SGSM1: variants seen among roughly 807,000 people sequenced by gnomAD.
SGSM1 encodes the protein small G protein signaling modulator 1.
Under a neutral mutation model 133.8 loss-of-function variants are expected in SGSM1, and 73 were observed. The observed-to-expected ratio is 0.55, with a 90% CI of 0.45 to 0.66. The LOEUF is 0.66. Among genes scored for constraint, SGSM1 ranks in the 30% least tolerant of loss-of-function variants. SGSM1 has a pLI of 0.00. For synonymous variants in SGSM1, 563 were observed against 573.0 expected, an observed-to-expected ratio of 0.98 and a Z score of 0.25; for missense variants, 1,213 against 1,448.1, an observed-to-expected ratio of 0.84 and a Z score of 2.64.
intron 2 of SGSM1, chr22:24,814,293 AC>A (rs11354698): frequency 0.3 from 45,020 of 150,218 alleles, 6,728 homozygotes; most frequent in South Asian, 0.4. Flanking sequence ...ACAAAACAAA[AC>A]AAAAACTAGC....
At chr22:24,863,301 C>T (rs1321348371) in intron 9 of SGSM1, among the ~76,000 whole-genome samples, 4 of 152,102 alleles carry the variant, frequency 2.6e-5, no homozygotes, top group Admixed American at 2.0e-4. Context: ...GGACTACAGG[C>T]GCCCACCACT....
intron 16 of SGSM1, among the ~76,000 whole-genome samples, chr22:24,891,765 G>A (rs1932818207): frequency 6.6e-6 from 1 of 152,216 alleles, no homozygotes; most frequent in African/African-American, 2.4e-5. Flanking sequence ...AAGACGGGCA[G>A]GGGTGAAGGC....
chr22:24,824,718 A>T (rs5760689), intron 2 of SGSM1, among the ~76,000 whole-genome samples: 44,332 of 151,754 alleles, frequency 0.29, 7,073 homozygotes, highest in East Asian at 0.6. Context: ...GAGAGTTAAC[A>T]TATATTTGTT....
chr22:24,821,090 G>T (rs1287617484), intron 2 of SGSM1, among the ~76,000 whole-genome samples: 1 of 152,132 alleles, frequency 6.6e-6, no homozygotes, highest in Non-Finnish European at 1.5e-5. Flanking sequence ...AGGCTGGAGC[G>T]CAATGGCGTG....
At chr22:24,858,735 T>C (rs577638431) in intron 8 of SGSM1, among the ~76,000 whole-genome samples, 229 of 151,624 alleles carry the variant, frequency 1.5e-3, no homozygotes, top group African/African-American at 5.3e-3. Flanking sequence ...TCACAGGCAC[T>C]CTACCGCTCT....
chr22:24,893,711 GC>G, intron 17 of SGSM1, 98 bp downstream of exon 17: 1 of 1,305,034 alleles, frequency 7.7e-7, no homozygotes, highest in Non-Finnish European at 1.0e-6. Context: ...GGTGTCTGGG[GC>G]CTGGTGACAG....
chr22:24,886,349 C>T (rs183153879), intron 15 of SGSM1, among the ~76,000 whole-genome samples: 16 of 149,762 alleles, frequency 1.1e-4, no homozygotes, highest in African/African-American at 3.2e-4. Context: ...TGCAGTGAGC[C>T]AAGATCACAC....
intron 10 of SGSM1, among the ~76,000 whole-genome samples, chr22:24,867,474 C>T (rs1931524774): frequency 6.6e-6 from 1 of 152,192 alleles, no homozygotes; most frequent in African/African-American, 2.4e-5. Flanking sequence ...GTGCTAAGCA[C>T]AGTTCTGAGC....
chr22:24,895,481 C>T (rs1932894003), intron 18 of SGSM1, among the ~76,000 whole-genome samples, 190 bp downstream of exon 18: 1 of 152,138 alleles, frequency 6.6e-6, no homozygotes, highest in African/African-American at 2.4e-5. Context: ...ATCACCCCTG[C>T]AAAAAACTAA....
intron 12 of SGSM1, among the ~76,000 whole-genome samples, chr22:24,870,852 G>A (rs1931732326): frequency 6.6e-6 from 1 of 152,214 alleles, no homozygotes; most frequent in South Asian, 2.1e-4. Flanking sequence ...GTCTCCCAGA[G>A]CTTCCATGGG....
In SGSM1 at chr22:24,806,334, G is replaced by C. The variant is rs2147769511; in HGVS notation, c.9G>C (p.Ser3=). The C allele has an allele frequency of 2.0e-6, 3 of 1,472,268 alleles. No individual in the cohort carries two copies. Among genetic ancestry groups the C allele is most frequent in the Non-Finnish European group, 2.7e-6 (3 of 1,114,300 alleles). The allele number at this position is 1,472,268 out of a possible 1,614,324, so 91.2% of individuals were successfully genotyped here. A position where few individuals can be genotyped will look rare whatever the true frequency, so the allele number is the denominator to read the frequency against. The part of the protein sequence containing the change: MA[S]APAEAETRQR... Reference sequence around the variant, plus strand: ...ACGCAGCGCTCGGAGCCATGGCCTCGGCCCCCGCGGGTAAGAGGCCGCTGG... The same window carrying C: ...ACGCAGCGCTCGGAGCCATGGCCTCCGCCCCCGCGGGTAAGAGGCCGCTGG... The change falls in exon 1 of 25, where the codon TCG becomes TCC. Residue 3 remains serine, a synonymous_variant. Coordinates refer to ENST00000400358, the MANE Select transcript of SGSM1 (RefSeq NM_001098497.3).
At chr22:24,914,796 C>G (rs1933764512) in intron 22 of SGSM1, among the ~76,000 whole-genome samples, 1 of 152,084 alleles carries the variant, frequency 6.6e-6, no homozygotes, top group Non-Finnish European at 1.5e-5. Flanking sequence ...GAAGTACAGT[C>G]TTTTGTGTTA....
At chr22:24,843,859 G>A (rs950610523) in intron 2 of SGSM1, 5 of 152,136 alleles carry the variant, frequency 3.3e-5, no homozygotes, top group African/African-American at 7.2e-5. Flanking sequence ...TGTCTGTCTC[G>A]AGCTGGAACC....
chr22:24,903,875 G>C (rs1933256085), intron 20 of SGSM1, among the ~76,000 whole-genome samples: 1 of 151,270 alleles, frequency 6.6e-6, no homozygotes, highest in African/African-American at 2.4e-5. Context: ...AGGAGGCTGA[G>C]ACAGGGGAAT....
intron 9 of SGSM1, among the ~76,000 whole-genome samples, chr22:24,863,744 C>CT (rs200717326): frequency 0.025 from 3,468 of 140,368 alleles, 134 homozygotes; most frequent in African/African-American, 0.08. Context: ...TTCTTCTTTT[C>CT]TTTTTTTTTT....
Position 24,867,085 on chromosome 22 carries a change from G to A in SGSM1, c.927-8G>A, listed in dbSNP as rs760552023. ...GTCCTGCAAGCCTGACCCTCCGTCCGCTTCCAGCGTCTACTGGGACTATGC... is the reference window on the plus strand; with the variant it reads ...GTCCTGCAAGCCTGACCCTCCGTCCACTTCCAGCGTCTACTGGGACTATGC... On this transcript the variant is annotated splice_region_variant and splice_polypyrimidine_tract_variant and intron_variant, in intron 9 of 24. Coordinates refer to ENST00000400358, the MANE Select transcript of SGSM1 (RefSeq NM_001098497.3). 58 of 1,613,054 alleles carry A rather than the reference G, an allele frequency of 3.6e-5. No homozygotes were observed. Among genetic ancestry groups the A allele is most frequent in the African/African-American group, 1.2e-4 (9 of 74,900 alleles).
At chr22:24,863,141 A>T (rs1569153249) in intron 9 of SGSM1, among the ~76,000 whole-genome samples, 1 of 152,164 alleles carries the variant, frequency 6.6e-6, no homozygotes, top group Non-Finnish European at 1.5e-5. Flanking sequence ...CAGGCACCTC[A>T]TAGGCACTGT....
At chr22:24,877,752 G>T (rs114091768) in intron 13 of SGSM1, among the ~76,000 whole-genome samples, 1,740 of 138,598 alleles carry the variant, frequency 0.013, 17 homozygotes, top group African/African-American at 0.043. Context: ...AAGACCATGT[G>T]TATACTTTAA....
At chr22:24,861,790 G>T (rs1006904785) in intron 9 of SGSM1, among the ~76,000 whole-genome samples, 1 of 150,322 alleles carries the variant, frequency 6.7e-6, no homozygotes, top group African/African-American at 2.4e-5. Context: ...CAAATGATCT[G>T]CCCATCTCGG....
Sources: allele counts gnomAD v4.1 joint callset (sites outside exome capture counted in the v4.1 genomes callset), GRCh38; gene constraint gnomAD v4.1.1; transcripts MANE v1.5; gene names NCBI Gene and HGNC (gene_info 2026-07-23, HGNC 2026-07-21).